The following FRA10AC1 variants were observed in gnomAD, a reference collection of about 807,000 sequenced individuals.
FRA10AC1 encodes FRA10A associated CGG repeat 1.
A neutral mutation model predicts 56.5 loss-of-function variants in FRA10AC1; 43 were observed. The ratio of observed to expected loss-of-function variants is 0.76; its 90% CI spans 0.60 to 0.98. FRA10AC1 has a LOEUF of 0.98. FRA10AC1 is among the 50% of genes least tolerant of loss of function. The pLI is 0.00. For missense variants in FRA10AC1, 346 were observed against 351.8 expected (o/e 0.98, Z 0.13); for synonymous variants, 112 against 110.5 (o/e 1.01, Z -0.09).
intron 9 of FRA10AC1, among the ~76,000 whole-genome samples, chr10:93,684,631 T>C (rs947695591): frequency 6.6e-5 from 10 of 151,994 alleles, no homozygotes; most frequent in Non-Finnish European, 1.2e-4. Context: ...TTGACTTTTA[T>C]TAGGTATGAG....
At chr10:93,684,670 G>A (rs927678015) in intron 9 of FRA10AC1, among the ~76,000 whole-genome samples, 1 of 151,834 alleles carries the variant, frequency 6.6e-6, no homozygotes, top group African/African-American at 2.4e-5. Context: ...CATTTACTTA[G>A]GACCCAGAGA....
At chr10:93,695,001 T>C in intron 4 of FRA10AC1, 64 bp from the exon 5 acceptor site, 1 of 822,352 alleles carries the variant, frequency 1.2e-6, no homozygotes, top group Non-Finnish European at 2.0e-6. Flanking sequence ...AATATATTGC[T>C]GATTGGTGGT....
intron 4 of FRA10AC1, among the ~76,000 whole-genome samples, chr10:93,696,922 G>A (rs1185163862): frequency 4.6e-5 from 7 of 152,180 alleles, no homozygotes; most frequent in African/African-American, 1.7e-4. Context: ...CATGGACACA[G>A]GGAGGGGAAC....
In FRA10AC1 at chr10:93,698,181, C is replaced by A. The variant is rs765156157; in HGVS notation, c.174G>T (p.Arg58Ser). The A allele has an allele frequency of 6.3e-7, 1 of 1,577,442 alleles. No individual in the cohort carries two copies. Among genetic ancestry groups the A allele is most frequent in the Non-Finnish European group, 8.7e-7 (1 of 1,155,996 alleles). ...HKQVAAELLD[R>S]EEARNRRFHL... Reference sequence around the variant, plus strand: ...GAAACCTTCTATTTCTTGCTTCTTCCCTGTTAAAACAAATTTTTTTAAGAA... The same window carrying A: ...GAAACCTTCTATTTCTTGCTTCTTCACTGTTAAAACAAATTTTTTTAAGAA... Residue 58 changes from arginine (R) to serine (S), a missense_variant and splice_region_variant, in exon 4 of 14, where the codon AGG becomes AGT. Coordinates refer to ENST00000359204, the MANE Select transcript of FRA10AC1 (RefSeq NM_145246.5).
intron 7 of FRA10AC1, 122 bp downstream of exon 7, chr10:93,691,887 C>A: frequency 1.9e-6 from 2 of 1,066,204 alleles, no homozygotes; most frequent in Non-Finnish European, 2.6e-6. Context: ...ACATCATAAA[C>A]GCAGGACAAC....
At chr10:93,689,444 C>T (rs1420832410) in intron 7 of FRA10AC1, among the ~76,000 whole-genome samples, 1 of 152,054 alleles carries the variant, frequency 6.6e-6, no homozygotes, top group Non-Finnish European at 1.5e-5. Context: ...TTCTATTTTT[C>T]AGCCTATATA....
At chr10:93,670,959 C>A in intron 12 of FRA10AC1, 111 bp from the exon 13 acceptor site, 1 of 662,110 alleles carries the variant, frequency 1.5e-6, no homozygotes, top group Non-Finnish European at 2.6e-6. Flanking sequence ...ACTTTTATGA[C>A]TCTCTAGAAA....
chr10:93,697,178 C>G (rs549987855), intron 4 of FRA10AC1, among the ~76,000 whole-genome samples: 1 of 152,170 alleles, frequency 6.6e-6, no homozygotes, highest in African/African-American at 2.4e-5. Flanking sequence ...AAAAAGAGTA[C>G]CCATACTTTC....
At chr10:93,701,375 T>C (rs1291333887) in intron 1 of FRA10AC1, among the ~76,000 whole-genome samples, 1 of 152,218 alleles carries the variant, frequency 6.6e-6, no homozygotes. Flanking sequence ...CTTCATTGCA[T>C]TGGATCTAGG....
At chr10:93,673,781 T>C (rs78166234) in intron 12 of FRA10AC1, 7,755 of 452,208 alleles carry the variant, frequency 0.017, 92 homozygotes, top group Middle Eastern at 0.051. Flanking sequence ...TCTCATTTGA[T>C]TCTGATAATA....
chr10:93,668,263 C>T lies in FRA10AC1; in HGVS notation c.*1563G>A, dbSNP rs2058710217. ...TTTTCTATATGTCCTTTCTCTTATT[C>T]ATCAAGTCAAGCATCTTCTCCTATA... On this transcript the variant is annotated 3_prime_UTR_variant, in exon 14 of 14. Transcript: ENST00000359204. 6.6e-6 allele frequency: 1 copy of T among 152,114 alleles called. No individual in the cohort carries two copies. The highest frequency in any genetic ancestry group is 2.4e-5 in the African/African-American group (1 of 41,430). 9.4% of individuals were successfully genotyped at this position (152,114 alleles called of 1,614,324 possible). A position where few individuals can be genotyped will look rare whatever the true frequency, so the allele number is the denominator to read the frequency against.
At chr10:93,694,714 A>T (rs959454565) in intron 5 of FRA10AC1, 147 bp downstream of exon 5, 92 of 9,106 alleles carry the variant, frequency 0.01, no homozygotes, top group Non-Finnish European at 0.018. Context: ...ACTCCATCTT[A>T]AAAAAAAAAA....
At chr10:93,685,464 A>T (rs1277279080) in intron 8 of FRA10AC1, 105 bp from the exon 9 acceptor site, 6 of 605,606 alleles carry the variant, frequency 9.9e-6, no homozygotes, top group African/African-American at 1.9e-5. Flanking sequence ...CAAATTAACC[A>T]TAGTCAGCCT....
intron 1 of FRA10AC1, 114 bp from the exon 2 acceptor site, chr10:93,700,220 T>G (rs2059307797): frequency 1.6e-6 from 1 of 622,822 alleles, no homozygotes; most frequent in African/African-American, 1.9e-5. Flanking sequence ...AGGATCATTG[T>G]GGGCAGATTC....
chr10:93,699,998 G>A (rs2059303108), intron 2 of FRA10AC1, 32 bp downstream of exon 2: 2 of 1,197,636 alleles, frequency 1.7e-6, no homozygotes, highest in African/African-American at 1.5e-5. Context: ...GAAAGGATGT[G>A]AAAAATAGAT....
At chr10:93,689,462 G>A (rs1014553919) in intron 7 of FRA10AC1, among the ~76,000 whole-genome samples, 2 of 152,034 alleles carry the variant, frequency 1.3e-5, no homozygotes, top group Non-Finnish European at 2.9e-5. Context: ...ATATGTATGT[G>A]GAGATTGCTT....
intron 11 of FRA10AC1, among the ~76,000 whole-genome samples, chr10:93,677,695 C>G (rs2133901649): frequency 6.6e-6 from 1 of 152,224 alleles, no homozygotes; most frequent in Non-Finnish European, 1.5e-5. Context: ...TGAACCAATG[C>G]AGAACAATCA....
At chr10:93,698,240 CA>C in intron 3 of FRA10AC1, 59 bp from the exon 4 acceptor site, 4 of 1,500,124 alleles carry the variant, frequency 2.7e-6, no homozygotes, top group Non-Finnish European at 3.7e-6. Flanking sequence ...TTAACATAAT[CA>C]AATCCCCTAA....
chr10:93,677,030 T>C (rs979293009), intron 11 of FRA10AC1, among the ~76,000 whole-genome samples: 1 of 152,352 alleles, frequency 6.6e-6, no homozygotes, highest in Admixed American at 6.5e-5. Flanking sequence ...TCTATAGAGA[T>C]GTTCAACATT....
Sources: gnomAD v4.1 joint callset for allele counts (sites outside exome capture counted in the v4.1 genomes callset) on GRCh38, gnomAD v4.1.1 for gene constraint, MANE v1.5 for transcripts, NCBI Gene and HGNC (gene_info 2026-07-23, HGNC 2026-07-21) for gene names.